The following MVB12A variants were observed in gnomAD, a reference collection of about 807,000 sequenced individuals.
The protein encoded by MVB12A is multivesicular body subunit 12A, also known as CIN85/CD2AP family binding protein.
MVB12A carries 30 observed loss-of-function variants against 34.3 expected under a neutral mutation model. The ratio of observed to expected loss-of-function variants is 0.88; its 90% CI spans 0.65 to 1.19. MVB12A has a LOEUF of 1.19. Ranked by LOEUF, MVB12A falls within the 50% of genes most tolerant of loss-of-function variation. The pLI is 0.00. For synonymous variants in MVB12A, 158 were observed against 158.9 expected (o/e 0.99, Z 0.04); for missense variants, 355 against 369.2 (o/e 0.96, Z 0.31).
At position 17,425,207 on chromosome 19, in the gene MVB12A, CG is replaced by C. The variant is rs2074864653; in HGVS notation, c.*215del. On this transcript the variant is annotated 3_prime_UTR_variant, in exon 9 of 9. Coordinates refer to ENST00000317040, the MANE Select transcript of MVB12A (RefSeq NM_138401.4). ...CGTGGTGATGGGGTCTCCGCCCCCA[CG>C]CCCTGCCGGGCAGGGCTGGAGCTGG... 3.8e-6 allele frequency: 2 copies of C among 527,822 alleles called. No homozygotes were observed. The highest frequency in any genetic ancestry group is 6.7e-6 in the Non-Finnish European group (2 of 299,706). 32.7% of individuals were successfully genotyped at this position (527,822 alleles called of 1,614,324 possible). A position where few individuals can be genotyped will look rare whatever the true frequency, so the allele number is the denominator to read the frequency against.
At chr19:17,422,576 T>G in intron 4 of MVB12A, 118 bp downstream of exon 4, 1 of 993,504 alleles carries the variant, frequency 1.0e-6, no homozygotes, top group Non-Finnish European at 1.4e-6. Flanking sequence ...CTTCTGAGCC[T>G]CAGATTCTGC....
chr19:17,417,801 G>T, upstream of MVB12A: 2 of 278,374 alleles, frequency 7.2e-6, no homozygotes, highest in South Asian at 4.1e-5. Context: ...CATCAAATTT[G>T]GACTTCTCTT....
intron 3 of MVB12A, 89 bp from the exon 4 acceptor site, chr19:17,422,243 A>G (rs902989539): frequency 7.4e-6 from 10 of 1,347,610 alleles, no homozygotes; most frequent in Non-Finnish European, 1.0e-5. Context: ...CTTAAACAGC[A>G]CCCTGGCGAG....
At chr19:17,418,642 G>A (rs2074816884), upstream of MVB12A, among the ~76,000 whole-genome samples, 1 of 151,414 alleles carries the variant, frequency 6.6e-6, no homozygotes, top group Admixed American at 6.6e-5. Context: ...CGCCCGCCTC[G>A]GCCTCCCAAA....
At chr19:17,417,861 A>G, upstream of MVB12A, 1 of 324,858 alleles carries the variant, frequency 3.1e-6, no homozygotes, top group Non-Finnish European at 6.1e-6. Flanking sequence ...AAAATTCTGC[A>G]AAATTGACAG....
chr19:17,410,497 C>CATATATATAT (rs373127253), intron 2 of MVB12A, among the ~76,000 whole-genome samples: 5,338 of 76,566 alleles, frequency 0.07, 237 homozygotes, highest in Non-Finnish European at 0.081. Context: ...GTTTTAGCTT[C>CATATATATAT]ATATATATAT....
chr19:17,425,135 C>T lies in MVB12A; in HGVS notation c.*142C>T, dbSNP rs1337591119. 2 of 611,540 alleles carry T rather than the reference C, an allele frequency of 3.3e-6. No individual in the cohort carries two copies. Among genetic ancestry groups the T allele is most frequent in the Non-Finnish European group, 5.8e-6 (2 of 345,322 alleles). The allele number at this position is 611,540 out of a possible 1,614,324, so 37.9% of individuals were successfully genotyped here. A position where few individuals can be genotyped will look rare whatever the true frequency, so the allele number is the denominator to read the frequency against. ...CCTGCAAGGCGTTTGCTATCTTCAG[C>T]CACTGGGCGGAGCTGCAGCCCTGGA... On this transcript the variant is annotated 3_prime_UTR_variant, in exon 9 of 9. Coordinates refer to ENST00000317040, the MANE Select transcript of MVB12A (RefSeq NM_138401.4).
At chr19:17,410,539 C>CAT (rs1287902219) in intron 2 of MVB12A, among the ~76,000 whole-genome samples, 11 of 69,676 alleles carry the variant, frequency 1.6e-4, no homozygotes, top group African/African-American at 3.4e-4. Flanking sequence ...TACACACACA[C>CAT]ATATATATAT....
intron 4 of MVB12A, 28 bp from the exon 5 acceptor site, chr19:17,423,470 A>C: frequency 6.2e-7 from 1 of 1,607,122 alleles, no homozygotes. Context: ...CCGGGCCAGC[A>C]TCCCTCCCAC....
chr19:17,420,442 G>C (rs2074830882), intron 2 of MVB12A, 31 bp downstream of exon 2: 1 of 1,608,768 alleles, frequency 6.2e-7, no homozygotes, highest in African/African-American at 1.3e-5. Flanking sequence ...GAACCACCAG[G>C]GTCTGCCCAC....
At chr19:17,410,541 T>TATATATACATACATATATATACATAC (rs1555734718) in intron 2 of MVB12A, among the ~76,000 whole-genome samples, 1 of 99,590 alleles carries the variant, frequency 1.0e-5, no homozygotes, top group African/African-American at 4.6e-5. Context: ...CACACACACA[T>TATATATACATACATATATATACATAC]ATATATATAC....
intron 2 of MVB12A, among the ~76,000 whole-genome samples, chr19:17,406,905 C>G (rs1159296560): frequency 6.6e-6 from 1 of 152,122 alleles, no homozygotes; most frequent in Non-Finnish European, 1.5e-5. Flanking sequence ...GAACTTGTCC[C>G]AGGAGGAGGG....
At position 17,422,327 on chromosome 19, in the gene MVB12A, C is replaced by T; in HGVS notation, c.287-5C>T. On this transcript the variant is annotated splice_polypyrimidine_tract_variant and splice_region_variant and intron_variant, in intron 3 of 8. Transcript: ENST00000317040. ...CTCTCTCACTCCCCTACCCCCCACT[C>T]CCAGAGGCCTCTGTGTCCAAGAAGA... is the stretch of plus-strand genomic sequence containing the variant. The T allele has an allele frequency of 6.2e-7, 1 of 1,610,418 alleles. No homozygotes were observed. The highest frequency in any genetic ancestry group is 8.5e-7 in the Non-Finnish European group (1 of 1,177,760).
intron 3 of MVB12A, among the ~76,000 whole-genome samples, chr19:17,421,736 G>A (rs962641496): frequency 1.3e-5 from 2 of 151,898 alleles, no homozygotes; most frequent in African/African-American, 4.8e-5. Context: ...GAGGTCAGGA[G>A]TTCCAGACCA....
At chr19:17,411,885 C>T (rs1449798450) in intron 2 of MVB12A, among the ~76,000 whole-genome samples, 1 of 152,228 alleles carries the variant, frequency 6.6e-6, no homozygotes. Flanking sequence ...ATTTCACTTA[C>T]TTTGGGATAC....
At position 17,425,294 on chromosome 19, in the gene MVB12A, G is replaced by C; in HGVS notation, c.*301G>C. ...ACCCTCTGGGGTCCGGAGGCTGTGC[G>C]GGTGTCCTCCTGGCAATAAACACTA... On this transcript the variant is annotated 3_prime_UTR_variant, in exon 9 of 9. Coordinates refer to ENST00000317040, the MANE Select transcript of MVB12A (RefSeq NM_138401.4). 1 of 408,646 alleles carries C rather than the reference G, an allele frequency of 2.4e-6. No individual in the cohort carries two copies. The allele number at this position is 408,646 out of a possible 1,614,324, so 25.3% of individuals were successfully genotyped here.
At chr19:17,424,533 T>TG in intron 7 of MVB12A, 88 bp from the exon 8 acceptor site, 3 of 1,344,734 alleles carry the variant, frequency 2.2e-6, no homozygotes, top group East Asian at 4.9e-5. Flanking sequence ...CGGGGAGTGT[T>TG]GGGGGGAGGG....
chr19:17,421,181 C>CTT (rs10679842), intron 3 of MVB12A: 140,656 of 306,392 alleles, frequency 0.46, 25,060 homozygotes, highest in Non-Finnish European at 0.53. Context: ...GTTGGCAAAC[C>CTT]TTTTTTTTTT....
Position 17,425,143 on chromosome 19 carries a change from C to A in MVB12A, c.*150C>A. 1 of 595,074 alleles carries A rather than the reference C, an allele frequency of 1.7e-6. No individual in the cohort carries two copies. Among genetic ancestry groups the A allele is most frequent in the Non-Finnish European group, 3.0e-6 (1 of 336,102 alleles). 36.9% of individuals were successfully genotyped at this position (595,074 alleles called of 1,614,324 possible). On this transcript the variant is annotated 3_prime_UTR_variant, in exon 9 of 9. Coordinates refer to ENST00000317040, the MANE Select transcript of MVB12A (RefSeq NM_138401.4). ...GCGTTTGCTATCTTCAGCCACTGGG[C>A]GGAGCTGCAGCCCTGGAGGAGGGGG... is the stretch of plus-strand genomic sequence containing the variant.
Sources: gnomAD v4.1 joint callset for allele counts (sites outside exome capture counted in the v4.1 genomes callset) on GRCh38, gnomAD v4.1.1 for gene constraint, MANE v1.5 for transcripts, NCBI Gene and HGNC (gene_info 2026-07-23, HGNC 2026-07-21) for gene names.